Variants in GYPE observed in about 807,000 individuals in gnomAD.
GYPE encodes the protein glycophorin E (MNS blood group).
GYPE carries 8 observed loss-of-function variants against 11.6 expected under a neutral mutation model. The ratio of observed to expected loss-of-function variants is 0.69; its 90% CI spans 0.41 to 1.25. GYPE has a LOEUF of 1.25. GYPE is among the 50% of genes most tolerant of loss of function. The probability of loss-of-function intolerance (pLI) is 0.01; values close to 1 mark genes in which losing one functional copy is unlikely to be tolerated. For missense variants in GYPE, 90 were observed against 92.8 expected, an observed-to-expected ratio of 0.97 and a Z score of 0.12; for synonymous variants, 28 against 29.6, an observed-to-expected ratio of 0.94 and a Z score of 0.18.
intron 1 of GYPE, among the ~76,000 whole-genome samples, chr4:143,894,668 T>A (rs1318796525): frequency 6.6e-6 from 1 of 152,100 alleles, no homozygotes; most frequent in Non-Finnish European, 1.5e-5. Context: ...GCCAGCATCA[T>A]CCTGGTACCA....
At position 143,884,756 on chromosome 4, in the gene GYPE, G is replaced by A. The variant is rs1319217603; in HGVS notation, c.38-4247C>T. ...CTTGGAATTTGAGACATCATTGCAC[G>A]TTACAAAAACTGCAAGTTATCTATG... On this transcript the variant is annotated intron_variant, in intron 1 of 3. Coordinates refer to ENST00000358615, the MANE Select transcript of GYPE (RefSeq NM_198682.3). Among the ~76,000 whole-genome samples the A allele has an allele frequency of 1.3e-4, 2 of 15,946 alleles. 1 individual carries two copies. The highest frequency in any genetic ancestry group is 1.9e-4 in the African/African-American group (2 of 10,624). The allele number at this position is 15,946 out of a possible 152,430, so 10.5% of individuals were successfully genotyped here. A position where few individuals can be genotyped will look rare whatever the true frequency, so the allele number is the denominator to read the frequency against.
intron 1 of GYPE, among the ~76,000 whole-genome samples, chr4:143,899,297 T>A (rs1285672079): frequency 6.6e-6 from 1 of 152,002 alleles, no homozygotes; most frequent in Non-Finnish European, 1.5e-5. Flanking sequence ...GATTCTGCAG[T>A]GGAACTGCCT....
intron 3 of GYPE, chr4:143,875,537 T>C: frequency 6.4e-7 from 1 of 1,550,830 alleles, no homozygotes; most frequent in Non-Finnish European, 8.7e-7. Context: ...AAGTTTCCAC[T>C]TCAGCCTCTG....
intron 2 of GYPE, among the ~76,000 whole-genome samples, chr4:143,880,121 G>A (rs1395623777): frequency 2.6e-5 from 4 of 152,302 alleles, no homozygotes; most frequent in Admixed American, 1.3e-4. Flanking sequence ...CCGCACCACC[G>A]CACTATTAGG....
chr4:143,901,105 A>C (rs1270795661), intron 1 of GYPE, among the ~76,000 whole-genome samples: 1 of 152,166 alleles, frequency 6.6e-6, no homozygotes, highest in Non-Finnish European at 1.5e-5. Context: ...TACGGAACCT[A>C]ACCTGCTGTA....
rs1444981 is a variant in GYPE at position 143,873,415 on chromosome 4, A to C, written c.*10-1163T>G. The stretch of plus-strand genomic sequence containing the variant: ...TTCAGTTTTATCCAGTTGAATAATA[A>C]AGGTCTAAAATTTCCTTTATTTGCT... On this transcript the variant is annotated intron_variant, in intron 3 of 3. Transcript: ENST00000358615. The C allele has an allele frequency of 1.3e-3, 608 of 454,702 alleles. 4 individuals are homozygous for C. Among genetic ancestry groups the C allele is most frequent in the African/African-American group, 9.7e-3 (485 of 49,936 alleles). The allele number at this position is 454,702 out of a possible 1,614,324, so 28.2% of individuals were successfully genotyped here.
chr4:143,876,513 C>G (rs1420266589), intron 3 of GYPE, among the ~76,000 whole-genome samples: 1 of 152,066 alleles, frequency 6.6e-6, no homozygotes, highest in Non-Finnish European at 1.5e-5. Context: ...TTAGGGAGAG[C>G]TTTCATTGGG....
At chr4:143,892,198 C>T (rs1744434249) in intron 1 of GYPE, among the ~76,000 whole-genome samples, 1 of 151,994 alleles carries the variant, frequency 6.6e-6, no homozygotes. Context: ...ATTCTTCTCT[C>T]TTTTTTTCTT....
intron 1 of GYPE, among the ~76,000 whole-genome samples, chr4:143,897,164 A>T (rs1162423041): frequency 6.6e-6 from 1 of 151,872 alleles, no homozygotes; most frequent in Non-Finnish European, 1.5e-5. Flanking sequence ...TAATAATAAT[A>T]AAAAAAATTA....
At chr4:143,879,601 A>C (rs1743943615) in intron 2 of GYPE, among the ~76,000 whole-genome samples, 1 of 152,206 alleles carries the variant, frequency 6.6e-6, no homozygotes, top group African/African-American at 2.4e-5. Flanking sequence ...TTTAAAACTA[A>C]GAACATATCA....
intron 1 of GYPE, 79 bp downstream of exon 1, chr4:143,905,392 C>G: frequency 1.2e-6 from 2 of 1,602,912 alleles, no homozygotes; most frequent in Non-Finnish European, 1.7e-6. Context: ...TAAGATAGAA[C>G]TAAAATAGGG....
rs961063994 is a variant in GYPE at position 143,893,605 on chromosome 4, A to G, written c.37+11866T>C. Reference sequence around the variant, plus strand: ...GGCTGTATATGAAATTCTGGATTGAAAATTCTTTTCTTTAAGAATGTTGAA... The same window carrying G: ...GGCTGTATATGAAATTCTGGATTGAGAATTCTTTTCTTTAAGAATGTTGAA... On this transcript the variant is annotated intron_variant, in intron 1 of 3. Coordinates refer to ENST00000358615, the MANE Select transcript of GYPE (RefSeq NM_198682.3). Among the ~76,000 whole-genome samples, 8 of 152,262 alleles carry G rather than the reference A, an allele frequency of 5.3e-5. No homozygotes were observed. The South Asian group carries it at 6.2e-4, about 12-fold the overall frequency.
At chr4:143,885,607 T>C (rs1744200546) in intron 1 of GYPE, among the ~76,000 whole-genome samples, 1 of 152,084 alleles carries the variant, frequency 6.6e-6, no homozygotes, top group South Asian at 2.1e-4. Flanking sequence ...AATGCCTCTC[T>C]TTCCAGCTGG....
intron 2 of GYPE, among the ~76,000 whole-genome samples, chr4:143,877,270 T>A (rs1267219084): frequency 1.3e-5 from 2 of 152,082 alleles, no homozygotes; most frequent in Non-Finnish European, 2.9e-5. Flanking sequence ...ATTGAACAGA[T>A]CATAGAATCA....
intron 3 of GYPE, among the ~76,000 whole-genome samples, chr4:143,874,347 CT>C (rs1743718743): frequency 6.6e-6 from 1 of 152,132 alleles, no homozygotes; most frequent in Non-Finnish European, 1.5e-5. Flanking sequence ...TGTCTGCAAT[CT>C]TTTAAACATG....
chr4:143,880,292 A>G, intron 2 of GYPE, 119 bp downstream of exon 2: 1 of 1,509,284 alleles, frequency 6.6e-7, no homozygotes, highest in Non-Finnish European at 9.1e-7. Flanking sequence ...GGCTGTGTCT[A>G]CTTAGCTCGC....
intron 3 of GYPE, among the ~76,000 whole-genome samples, chr4:143,873,668 AACTCAGGC>A (rs1743692632): frequency 6.6e-6 from 1 of 152,188 alleles, no homozygotes; most frequent in Non-Finnish European, 1.5e-5. Flanking sequence ...TGATTATGTG[AACTCAGGC>A]TGAACTCTAG....
chr4:143,875,150 C>T (rs113407302), intron 3 of GYPE, among the ~76,000 whole-genome samples: 2,568 of 152,230 alleles, frequency 0.017, 86 homozygotes, highest in African/African-American at 0.059. Flanking sequence ...TTATCCTGGA[C>T]AGCCACCTAA....
intron 1 of GYPE, among the ~76,000 whole-genome samples, chr4:143,904,840 A>G (rs891323714): frequency 6.6e-6 from 1 of 152,210 alleles, no homozygotes; most frequent in African/African-American, 2.4e-5. Context: ...TTAAATTTAA[A>G]CTAAGTTAAA....
Sources: allele counts gnomAD v4.1 joint callset (sites outside exome capture counted in the v4.1 genomes callset), GRCh38; gene constraint gnomAD v4.1.1; transcripts MANE v1.5; gene names NCBI Gene and HGNC (gene_info 2026-07-23, HGNC 2026-07-21).